Variants in SENP7 observed in about 807,000 individuals in gnomAD.
SENP7 encodes the protein SUMO specific peptidase 7, also known as sentrin-specific protease 7.
Under a neutral mutation model 141.2 loss-of-function variants are expected in SENP7, and 64 were observed. The observed-to-expected ratio is 0.45, with a 90% CI of 0.37 to 0.56. The LOEUF (loss-of-function observed/expected upper bound fraction) is 0.56, where lower values mean the gene tolerates loss of function less well. Ranked by LOEUF, SENP7 falls within the 20% of genes least tolerant of loss-of-function variation. The pLI, the probability that SENP7 is intolerant of heterozygous loss-of-function variation, is 0.00. For synonymous variants in SENP7, 382 were observed against 426.4 expected, an observed-to-expected ratio of 0.90 and a Z score of 1.28; for missense variants, 1,025 against 1,212.2, an observed-to-expected ratio of 0.85 and a Z score of 2.29.
In SENP7 at chr3:101,324,254, G is replaced by A. The variant is rs971776102; in HGVS notation, c.*1689C>T. On this transcript the variant is annotated 3_prime_UTR_variant, in exon 24 of 24. Coordinates refer to ENST00000394095, the MANE Select transcript of SENP7 (RefSeq NM_020654.5). Reference sequence around the variant, plus strand: ...CTAACAGTAGCTCATGTTTCTTAAGGAAAAAAATTACACCTCAATTTAATG... The same window carrying A: ...CTAACAGTAGCTCATGTTTCTTAAGAAAAAAAATTACACCTCAATTTAATG... 6.6e-6 allele frequency: 1 copy of A among 151,764 alleles called. No individual in the cohort carries two copies. Among genetic ancestry groups the A allele is most frequent in the Non-Finnish European group, 1.5e-5 (1 of 67,918 alleles). The allele number at this position is 151,764 out of a possible 1,614,324, so 9.4% of individuals were successfully genotyped here.
intron 5 of SENP7, among the ~76,000 whole-genome samples, chr3:101,405,076 G>C (rs2061259514): frequency 6.6e-6 from 1 of 152,176 alleles, no homozygotes; most frequent in Non-Finnish European, 1.5e-5. Context: ...AGACAGAGCA[G>C]CATGTGGAAG....
intron 13 of SENP7, among the ~76,000 whole-genome samples, chr3:101,344,590 G>A (rs2059406536): frequency 6.6e-6 from 1 of 152,136 alleles, no homozygotes; most frequent in South Asian, 2.1e-4. Flanking sequence ...AAATTTGATT[G>A]ATGTAGTTCT....
chr3:101,492,105 A>T (rs1274670162), intron 3 of SENP7, among the ~76,000 whole-genome samples: 1 of 151,720 alleles, frequency 6.6e-6, no homozygotes, highest in Admixed American at 6.6e-5. Flanking sequence ...AAAAAAAAAA[A>T]TGGTTAATAG....
chr3:101,400,457 G>C (rs547575188), intron 5 of SENP7, among the ~76,000 whole-genome samples: 7 of 151,004 alleles, frequency 4.6e-5, no homozygotes, highest in African/African-American at 1.7e-4. Context: ...TGCTCACTTT[G>C]TGTGTCTGTG....
chr3:101,458,859 TGTG>T (rs1429119399), intron 4 of SENP7, 93 bp downstream of exon 4: 2 of 661,150 alleles, frequency 3.0e-6, no homozygotes, highest in African/African-American at 3.7e-5. Flanking sequence ...ATTTTAAACA[TGTG>T]GTCATAATTG....
chr3:101,337,617 T>C lies in SENP7; in HGVS notation c.2372A>G (p.Glu791Gly). Residue 791 changes from glutamate to glycine, a missense_variant, in exon 17 of 24, where the codon GAG becomes GGG. Coordinates refer to ENST00000394095, the MANE Select transcript of SENP7 (RefSeq NM_020654.5). ...IDFYLKYLIL[E>G]KASDELVERS... The stretch of plus-strand genomic sequence containing the variant: ...TTCAACAAGTTCATCTGATGCCTTC[T>C]CCAATATAAGATACCTGTAAAGTAG... 1.2e-6 allele frequency: 2 copies of C among 1,602,472 alleles called. No homozygotes were observed. Among genetic ancestry groups the C allele is most frequent in the Non-Finnish European group, 1.7e-6 (2 of 1,175,372 alleles).
intron 3 of SENP7, among the ~76,000 whole-genome samples, chr3:101,481,736 A>G (rs2064490723): frequency 6.6e-6 from 1 of 152,232 alleles, no homozygotes; most frequent in South Asian, 2.1e-4. Flanking sequence ...CTTCACATGT[A>G]ACAAAATATC....
intron 10 of SENP7, among the ~76,000 whole-genome samples, chr3:101,364,092 C>A (rs2059971572): frequency 6.6e-6 from 1 of 151,982 alleles, no homozygotes; most frequent in Admixed American, 6.6e-5. Context: ...GCCAGGCTTG[C>A]TGGCATGAGC....
intron 13 of SENP7, chr3:101,347,578 C>T (rs759036233): frequency 2.3e-4 from 37 of 164,164 alleles, no homozygotes; most frequent in Admixed American, 4.5e-4. Flanking sequence ...AAAAATTAGC[C>T]GGGCACGGTG....
Position 101,463,348 on chromosome 3 carries a change from C to CATAA in SENP7, c.187-4300_187-4297dup, listed in dbSNP as rs201605832. Among the ~76,000 whole-genome samples the CATAA allele has an allele frequency of 9.4e-3, 856 of 91,488 alleles. 15 individuals carry two copies. Among genetic ancestry groups the CATAA allele is most frequent in the South Asian group, 0.038 (96 of 2,544 alleles). 60.0% of individuals were successfully genotyped at this position (91,488 alleles called of 152,430 possible). A position where few individuals can be genotyped will look rare whatever the true frequency, so the allele number is the denominator to read the frequency against. On this transcript the variant is annotated intron_variant, in intron 3 of 23. Coordinates refer to ENST00000394095, the MANE Select transcript of SENP7 (RefSeq NM_020654.5). Reference sequence around the variant, plus strand: ...TCGGTGACACAGCAAAACCATGTATCATAAATAAATAAATAAATATATATA... The same window carrying CATAA: ...TCGGTGACACAGCAAAACCATGTATCATAAATAAATAAATAAATAAATATATATA...
intron 4 of SENP7, among the ~76,000 whole-genome samples, chr3:101,427,133 T>G (rs958614414): frequency 6.6e-6 from 1 of 152,094 alleles, no homozygotes; most frequent in African/African-American, 2.4e-5. Flanking sequence ...ACCAAAAAGC[T>G]TATTCATCAC....
At chr3:101,370,751 C>A (rs1205119526) in intron 7 of SENP7, among the ~76,000 whole-genome samples, 3 of 152,150 alleles carry the variant, frequency 2.0e-5, no homozygotes, top group Non-Finnish European at 4.4e-5. Context: ...CTGACAGTGA[C>A]TAATTGGAAG....
rs184437738 is a variant in SENP7 at position 101,376,627 on chromosome 3, A to C, written c.678-4501T>G. Among the ~76,000 whole-genome samples, 544 of 151,362 alleles carry C rather than the reference A, an allele frequency of 3.6e-3. 11 individuals carry two copies. In the East Asian group the frequency reaches 0.066, roughly 18 times the overall value. On this transcript the variant is annotated intron_variant, in intron 6 of 23. Transcript: ENST00000394095. ...GGAAGGGGAATATCACACTCTGGGG[A>C]CTGTTGTGGGGTGGGGGGAGCGGGG...
chr3:101,455,092 C>T (rs557017929), intron 4 of SENP7, among the ~76,000 whole-genome samples: 120 of 152,088 alleles, frequency 7.9e-4, no homozygotes, highest in Non-Finnish European at 1.6e-3. Context: ...GTCAGCAGTT[C>T]CAAAGTAATA....
intron 3 of SENP7, among the ~76,000 whole-genome samples, chr3:101,474,945 A>G (rs747843616): frequency 2.6e-5 from 4 of 152,216 alleles, no homozygotes; most frequent in Non-Finnish European, 4.4e-5. Context: ...GATAAAACAC[A>G]AGACCCAACA....
At chr3:101,436,612 A>G (rs1449055184) in intron 4 of SENP7, among the ~76,000 whole-genome samples, 1 of 152,194 alleles carries the variant, frequency 6.6e-6, no homozygotes, top group African/African-American at 2.4e-5. Context: ...AAATAGGCAA[A>G]AGATTTGAAT....
At chr3:101,368,077 TC>T (rs2060084981) in intron 7 of SENP7, 66 bp from the exon 8 acceptor site, 1 of 1,241,328 alleles carries the variant, frequency 8.1e-7, no homozygotes, top group Non-Finnish European at 1.1e-6. Context: ...TTAGAAAAGC[TC>T]GAAGTAACAT....
intron 6 of SENP7, among the ~76,000 whole-genome samples, chr3:101,384,328 C>T (rs1482444448): frequency 5.3e-5 from 8 of 152,252 alleles, no homozygotes; most frequent in African/African-American, 1.9e-4. Context: ...GGGTGCTACA[C>T]ACTCTTGCCA....
intron 6 of SENP7, among the ~76,000 whole-genome samples, chr3:101,384,405 C>T (rs1161654662): frequency 2.0e-5 from 3 of 152,236 alleles, no homozygotes; most frequent in African/African-American, 7.2e-5. Context: ...AGGGAGCCCA[C>T]CTAAGAGTTC....
Sources: gnomAD v4.1 joint callset for allele counts (sites outside exome capture counted in the v4.1 genomes callset) on GRCh38, gnomAD v4.1.1 for gene constraint, MANE v1.5 for transcripts, NCBI Gene and HGNC (gene_info 2026-07-23, HGNC 2026-07-21) for gene names.